Variants in P3H2 observed in about 807,000 individuals in gnomAD.
P3H2 encodes the protein leprecan-like 1.
A neutral mutation model predicts 87.0 loss-of-function variants in P3H2; 80 were observed. The ratio of observed to expected loss-of-function variants is 0.92; its 90% confidence interval spans 0.77 to 1.11. P3H2 has a LOEUF of 1.11. P3H2 is among the 50% of genes least tolerant of loss of function. The pLI is 0.00. For synonymous variants in P3H2, 367 were observed against 359.3 expected, an observed-to-expected ratio of 1.02 and a Z score of -0.24; for missense variants, 1,001 against 923.9, an observed-to-expected ratio of 1.08 and a Z score of -1.08.
At chr3:190,000,376 A>G (rs566450484) in intron 1 of P3H2, among the ~76,000 whole-genome samples, 1 of 152,338 alleles carries the variant, frequency 6.6e-6, no homozygotes, top group African/African-American at 2.4e-5. Flanking sequence ...ATCAGACACT[A>G]AACAGAATAC....
At chr3:189,988,176 G>A (rs1362449042) in intron 4 of P3H2, among the ~76,000 whole-genome samples, 1 of 152,156 alleles carries the variant, frequency 6.6e-6, no homozygotes, top group Non-Finnish European at 1.5e-5. Flanking sequence ...TCTGGAGGAA[G>A]CCCCTTAAAT....
At chr3:189,961,741 G>C (rs1311254589) in intron 14 of P3H2, among the ~76,000 whole-genome samples, 2 of 152,216 alleles carry the variant, frequency 1.3e-5, no homozygotes, top group Non-Finnish European at 2.9e-5. Flanking sequence ...TGCCGCTACG[G>C]CCTGAAGACT....
chr3:190,098,792 A>C (rs1711515854), intron 1 of P3H2, among the ~76,000 whole-genome samples: 1 of 152,208 alleles, frequency 6.6e-6, no homozygotes, highest in Non-Finnish European at 1.5e-5. Context: ...TATTTCGCAG[A>C]ATTAAAATGC....
intron 1 of P3H2, among the ~76,000 whole-genome samples, chr3:190,079,390 C>T (rs2108978276): frequency 7.1e-6 from 1 of 140,996 alleles, no homozygotes; most frequent in Non-Finnish European, 1.6e-5. Flanking sequence ...ATAAATAATC[C>T]TTATCTGTAA....
rs1723108826 is a variant in P3H2 at position 189,969,580 on chromosome 3, A to C, written c.1893+1236T>G. The C allele has an allele frequency of 2.3e-6, 3 of 1,286,784 alleles. No homozygotes were observed. The South Asian group carries it at 3.6e-5, about 15-fold the overall frequency. The allele number at this position is 1,286,784 out of a possible 1,614,324, so 79.7% of individuals were successfully genotyped here. On this transcript the variant is annotated intron_variant, in intron 13 of 14. Coordinates refer to ENST00000319332, the MANE Select transcript of P3H2 (RefSeq NM_018192.4). ...GAATCTCCTCCCTCAAGGAGCCACA[A>C]GCTGTGGTCCCTATGACATGTGTAC... is the stretch of plus-strand genomic sequence containing the variant.
At chr3:190,098,196 C>G (rs752264863) in intron 1 of P3H2, among the ~76,000 whole-genome samples, 3 of 152,082 alleles carry the variant, frequency 2.0e-5, no homozygotes, top group Non-Finnish European at 4.4e-5. Flanking sequence ...AAATACTTTC[C>G]TTAGTCCTTA....
At chr3:189,983,318 C>G (rs796115109) in intron 7 of P3H2, 178 bp from the exon 8 acceptor site, 4 of 589,026 alleles carry the variant, frequency 6.8e-6, no homozygotes, top group Admixed American at 2.9e-5. Context: ...TCTATTTCCT[C>G]GGTGAGTTTG....
intron 14 of P3H2, among the ~76,000 whole-genome samples, chr3:189,959,242 TTTTA>T (rs200610953): frequency 0.29 from 42,897 of 149,452 alleles, 6,227 homozygotes; most frequent in African/African-American, 0.34. Context: ...TTTTTTTTTC[TTTTA>T]TTTATTTATT....
At chr3:189,974,477 C>T in intron 9 of P3H2, 81 bp downstream of exon 9, 1 of 1,574,464 alleles carries the variant, frequency 6.4e-7, no homozygotes, top group South Asian at 1.1e-5. Flanking sequence ...TTGTCTGGCT[C>T]CAGATGAGAC....
intron 1 of P3H2, among the ~76,000 whole-genome samples, chr3:190,068,970 C>A (rs1224902573): frequency 2.6e-5 from 4 of 152,094 alleles, no homozygotes; most frequent in Admixed American, 2.6e-4. Flanking sequence ...TCGATACCAT[C>A]CCATGTTTGG....
intron 1 of P3H2, among the ~76,000 whole-genome samples, chr3:190,062,248 C>T (rs997169902): frequency 1.3e-5 from 2 of 152,110 alleles, no homozygotes; most frequent in African/African-American, 4.8e-5. Flanking sequence ...CAACCCTAAT[C>T]TTTCCCCCTG....
chr3:190,098,231 ATTAGTAGCCCCCATTT>A lies in P3H2; in HGVS notation c.480+22005_480+22020del, dbSNP rs202058538. Among the ~76,000 whole-genome samples the A allele has an allele frequency of 9.0e-3, 1,365 of 152,300 alleles. 21 individuals are homozygous for A. Among genetic ancestry groups the A allele is most frequent in the African/African-American group, 0.031 (1,298 of 41,560 alleles). On this transcript the variant is annotated intron_variant, in intron 1 of 14. Coordinates refer to ENST00000319332, the MANE Select transcript of P3H2 (RefSeq NM_018192.4). Reference sequence around the variant, plus strand: ...ATTGCATACGTGTTCCATAATCAATATTAGTAGCCCCCATTTTACAGAAGGAGAAACTAAGTTTCCA... The same window carrying A: ...ATTGCATACGTGTTCCATAATCAATATACAGAAGGAGAAACTAAGTTTCCA...
chr3:189,974,712 C>G, intron 8 of P3H2, 27 bp from the exon 9 acceptor site: 1 of 1,614,082 alleles, frequency 6.2e-7, no homozygotes, highest in African/African-American at 1.3e-5. Context: ...CATTGTCTTC[C>G]CTGTTACCTC....
rs3062112 is a variant in P3H2 at position 189,957,700 on chromosome 3, A to AAGAGAGAGAGAG, written c.*200_*211dup. ...AACATGGTTAGACCATGTCTCTAAG[A>AAGAGAGAGAGAG]AGAGAGAGAGAGAGAGAGAGAGAGA... is the stretch of plus-strand genomic sequence containing the variant. On this transcript the variant is annotated 3_prime_UTR_variant, in exon 15 of 15. Coordinates refer to ENST00000319332, the MANE Select transcript of P3H2 (RefSeq NM_018192.4). 1,040 of 543,292 alleles carry AAGAGAGAGAGAG rather than the reference A, an allele frequency of 1.9e-3. No individual in the cohort carries two copies. Among genetic ancestry groups the AAGAGAGAGAGAG allele is most frequent in the Non-Finnish European group, 2.7e-3 (816 of 305,612 alleles). 33.7% of individuals were successfully genotyped at this position (543,292 alleles called of 1,614,324 possible). A position where few individuals can be genotyped will look rare whatever the true frequency, so the allele number is the denominator to read the frequency against.
At chr3:190,022,908 G>C (rs1316360326) in intron 1 of P3H2, among the ~76,000 whole-genome samples, 1 of 151,988 alleles carries the variant, frequency 6.6e-6, no homozygotes, top group African/African-American at 2.4e-5. Flanking sequence ...CTCACTGCAA[G>C]TTCCACCTCC....
At chr3:190,044,042 AAGAG>A (rs1333355212) in intron 1 of P3H2, among the ~76,000 whole-genome samples, 5 of 152,198 alleles carry the variant, frequency 3.3e-5, no homozygotes, top group Admixed American at 1.3e-4. Flanking sequence ...TATAAAATGA[AAGAG>A]AGATTGTTAT....
chr3:190,007,521 T>C (rs1724424854), intron 1 of P3H2, among the ~76,000 whole-genome samples: 2 of 152,040 alleles, frequency 1.3e-5, no homozygotes, highest in South Asian at 4.2e-4. Flanking sequence ...ATCAACCAAA[T>C]ATCGAGCAAA....
chr3:189,992,798 A>G (rs1202113075), intron 3 of P3H2, among the ~76,000 whole-genome samples: 1 of 152,208 alleles, frequency 6.6e-6, no homozygotes, highest in Non-Finnish European at 1.5e-5. Context: ...ATTGCTACAT[A>G]TGTGTTGGTT....
intron 6 of P3H2, among the ~76,000 whole-genome samples, chr3:189,986,023 T>C (rs1723684531): frequency 6.6e-6 from 1 of 152,182 alleles, no homozygotes; most frequent in African/African-American, 2.4e-5. Context: ...TAAACAATGA[T>C]TAGAAGACAA....
Sources: allele counts gnomAD v4.1 joint callset (sites outside exome capture counted in the v4.1 genomes callset), GRCh38; gene constraint gnomAD v4.1.1; transcripts MANE v1.5; gene names NCBI Gene and HGNC (gene_info 2026-07-23, HGNC 2026-07-21).